PKP1: variants seen among roughly 807,000 people sequenced by gnomAD.
The protein encoded by PKP1 is plakophilin-1.
In PKP1, 27 loss-of-function variants were observed where a neutral mutation model predicts 76.4. The ratio of observed to expected loss-of-function variants is 0.35; its 90% CI spans 0.26 to 0.49. The LOEUF is 0.49. Ranked by LOEUF, PKP1 falls within the 20% of genes least tolerant of loss-of-function variation. PKP1 has a pLI of 0.99. For synonymous variants in PKP1, 404 were observed against 384.2 expected (o/e 1.05, Z -0.60); for missense variants, 964 against 955.2 (o/e 1.01, Z -0.12).
intron 1 of PKP1, among the ~76,000 whole-genome samples, chr1:201,287,366 G>A (rs1444901797): frequency 6.6e-6 from 1 of 152,174 alleles, no homozygotes; most frequent in Non-Finnish European, 1.5e-5. Context: ...CCCCCACTTT[G>A]ATGGCTTTTT....
intron 8 of PKP1, 108 bp downstream of exon 8, chr1:201,322,241 C>A (rs1260899315): frequency 7.9e-7 from 1 of 1,268,182 alleles, no homozygotes; most frequent in Admixed American, 1.9e-5. Flanking sequence ...GAAGCCAGCC[C>A]TAAGGGACAG....
intron 2 of PKP1, among the ~76,000 whole-genome samples, chr1:201,302,093 G>T (rs933543227): frequency 3.9e-5 from 6 of 152,192 alleles, no homozygotes; most frequent in African/African-American, 1.4e-4. Flanking sequence ...GCTCCAACCC[G>T]CGGCACCTGG....
At chr1:201,298,206 C>A (rs1656127425) in intron 2 of PKP1, among the ~76,000 whole-genome samples, 1 of 152,126 alleles carries the variant, frequency 6.6e-6, no homozygotes, top group Non-Finnish European at 1.5e-5. Context: ...TGTAATATGT[C>A]CCTTGAATAT....
intron 12 of PKP1, 185 bp from the exon 13 acceptor site, chr1:201,328,577 A>G: frequency 6.0e-6 from 4 of 662,650 alleles, no homozygotes; most frequent in Non-Finnish European, 1.1e-5. Context: ...GCACCGACTC[A>G]TGGAGAGTTA....
At chr1:201,324,824 G>A (rs1558196268) in intron 10 of PKP1, 117 bp from the exon 11 acceptor site, 2 of 1,158,336 alleles carry the variant, frequency 1.7e-6, no homozygotes, top group Non-Finnish European at 2.5e-6. Flanking sequence ...AGCCCTGAGG[G>A]CCACCTGGCT....
chr1:201,322,181 C>A (rs748634004), intron 8 of PKP1, 48 bp downstream of exon 8: 2 of 1,591,056 alleles, frequency 1.3e-6, no homozygotes, highest in East Asian at 2.2e-5. Context: ...AAGCACCCCC[C>A]CAGGAGCCAC....
chr1:201,283,900 T>A lies in PKP1; in HGVS notation c.198T>A (p.Asn66Lys). 1.9e-6 allele frequency: 3 copies of A among 1,613,882 alleles called. No individual in the cohort carries two copies. The South Asian group carries it at 3.3e-5, about 18-fold the overall frequency. The change falls in exon 1 of 14, where the codon AAT becomes AAA. Residue 66 changes from asparagine to lysine, a missense_variant. Transcript: ENST00000367324. ...SSQSSTLSHS[N>K]RGSMYDGLAD... Reference sequence around the variant, plus strand: ...AGTCGTCCACCCTGAGCCACTCCAATCGAGGTAAAGGCTCGGCCCCCGCGT... The same window carrying A: ...AGTCGTCCACCCTGAGCCACTCCAAACGAGGTAAAGGCTCGGCCCCCGCGT...
At chr1:201,318,843 T>C in intron 6 of PKP1, 48 bp downstream of exon 6, 1 of 1,448,008 alleles carries the variant, frequency 6.9e-7, no homozygotes, top group East Asian at 2.4e-5. Flanking sequence ...CCTTGGGCCC[T>C]TCCCCAGGCA....
chr1:201,299,989 C>A (rs978003013), intron 2 of PKP1, among the ~76,000 whole-genome samples: 1 of 152,246 alleles, frequency 6.6e-6, no homozygotes, highest in Non-Finnish European at 1.5e-5. Flanking sequence ...CCCAGGCAGG[C>A]ATGGATCCTG....
chr1:201,318,482 T>A (rs1250464894), intron 5 of PKP1, 136 bp from the exon 6 acceptor site: 4 of 733,798 alleles, frequency 5.5e-6, no homozygotes, highest in South Asian at 1.6e-5. Flanking sequence ...AGACAATAGG[T>A]TCTACAGACC....
Position 201,294,045 on chromosome 1 carries a change from G to A in PKP1, c.306G>A (p.Pro102=), listed in dbSNP as rs140908060. The change falls in exon 2 of 14, where the codon CCG becomes CCA. Residue 102 remains proline (P), a splice_region_variant and synonymous_variant. Transcript: ENST00000367324. ...FQAGNGSWGY[P]IYNGTLKREP... ...CAGGGAATGGCTCATGGGGATATCC[G>A]GTAAGGAACTGCTTCCATCCTAAAA... 16 of 1,593,598 alleles carry A rather than the reference G, an allele frequency of 1.0e-5. No homozygotes were observed. The highest frequency in any genetic ancestry group is 4.5e-5 in the East Asian group (2 of 44,758).
Position 201,283,585 on chromosome 1 carries a change from G to T in PKP1, c.-118G>T, listed in dbSNP as rs757275575. ...CCTCACGCGGACCACGCACTCTATGGCCGTAGGGAGCCGCTGAGAGCGAGA... is the reference window on the plus strand; with the variant it reads ...CCTCACGCGGACCACGCACTCTATGTCCGTAGGGAGCCGCTGAGAGCGAGA... On this transcript the variant is annotated 5_prime_UTR_variant, in exon 1 of 14. Coordinates refer to ENST00000367324, the MANE Select transcript of PKP1 (RefSeq NM_001005337.3). The T allele has an allele frequency of 1.1e-6, 1 of 901,364 alleles. No individual in the cohort carries two copies. Among genetic ancestry groups the T allele is most frequent in the Non-Finnish European group, 1.8e-6 (1 of 565,522 alleles). 55.8% of individuals were successfully genotyped at this position (901,364 alleles called of 1,614,324 possible). A position where few individuals can be genotyped will look rare whatever the true frequency, so the allele number is the denominator to read the frequency against.
chr1:201,324,363 C>G (rs938076490), intron 9 of PKP1, 65 bp from the exon 10 acceptor site: 2 of 1,557,612 alleles, frequency 1.3e-6, no homozygotes, highest in African/African-American at 2.7e-5. Context: ...CTCCTTGCCC[C>G]TTTCTGCCTG....
Position 201,313,394 on chromosome 1 carries a change from A to G in PKP1, c.535A>G (p.Thr179Ala). The stretch of plus-strand genomic sequence containing the variant: ...CACGCTGGGCAGCAAGGGCCAGAAG[A>G]CCACCCAGAACCGCTACAGCTTTTA... ...KGTLGSKGQK[T>A]TQNRYSFYST... The change falls in exon 3 of 14, where the codon ACC (threonine) becomes GCC (alanine). Residue 179 changes from threonine to alanine, a missense_variant. Transcript: ENST00000367324. 6.3e-7 allele frequency: 1 copy of G among 1,583,514 alleles called. No homozygotes were observed. The highest frequency in any genetic ancestry group is 8.6e-7 in the Non-Finnish European group (1 of 1,164,580).
At chr1:201,328,728 T>C in intron 12 of PKP1, 34 bp from the exon 13 acceptor site, 1 of 1,597,194 alleles carries the variant, frequency 6.3e-7, no homozygotes, top group Non-Finnish European at 8.6e-7. Flanking sequence ...CCACACAGTT[T>C]TGTGTCATTT....
chr1:201,318,517 C>G, intron 5 of PKP1, 101 bp from the exon 6 acceptor site: 1 of 997,914 alleles, frequency 1.0e-6, no homozygotes, highest in Non-Finnish European at 1.6e-6. Flanking sequence ...AGCGACATTT[C>G]AGTAGGGCCC....
intron 1 of PKP1, among the ~76,000 whole-genome samples, chr1:201,284,427 C>T (rs563245895): frequency 6.6e-6 from 1 of 152,176 alleles, no homozygotes; most frequent in African/African-American, 2.4e-5. Context: ...CCAAGGGGAA[C>T]CCCAGTCCCT....
chr1:201,303,016 C>T (rs1037429157), intron 2 of PKP1, among the ~76,000 whole-genome samples: 11 of 152,234 alleles, frequency 7.2e-5, no homozygotes, highest in Non-Finnish European at 1.6e-4. Flanking sequence ...TGGCTCAGGG[C>T]TCCTGGTCAC....
At position 201,288,884 on chromosome 1, in the gene PKP1, G is replaced by A. The variant is rs149645498; in HGVS notation, c.202+4980G>A. 2.6e-5 allele frequency among the ~76,000 whole-genome samples: 4 copies of A among 152,334 alleles called. No individual in the cohort carries two copies. The East Asian group carries it at 7.7e-4, about 29-fold the overall frequency. Reference sequence around the variant, plus strand: ...GTCTGAACGCGTCCCAGCAGAGCCTGAGGGAGTCACATGGGCTGGAGAGGG... The same window carrying A: ...GTCTGAACGCGTCCCAGCAGAGCCTAAGGGAGTCACATGGGCTGGAGAGGG... On this transcript the variant is annotated intron_variant, in intron 1 of 13. Transcript: ENST00000367324.
Sources: allele counts gnomAD v4.1 joint callset (sites outside exome capture counted in the v4.1 genomes callset), GRCh38; gene constraint gnomAD v4.1.1; transcripts MANE v1.5; gene names NCBI Gene and HGNC (gene_info 2026-07-23, HGNC 2026-07-21).